The following TOGARAM2 variants were observed in gnomAD, a reference collection of about 807,000 sequenced individuals.
The protein encoded by TOGARAM2 is TOG array regulator of axonemal microtubules 2, also known as TOG array regulator of axonemal microtubules protein 2.
Under a neutral mutation model 93.3 loss-of-function variants are expected in TOGARAM2, and 85 were observed. The observed-to-expected ratio is 0.91, with a 90% CI of 0.76 to 1.09. The LOEUF (loss-of-function observed/expected upper bound fraction) is 1.09. Among genes scored for constraint, TOGARAM2 ranks in the 50% least tolerant of loss-of-function variants. The pLI is 0.00. For synonymous variants in TOGARAM2, 593 were observed against 552.8 expected, an observed-to-expected ratio of 1.07 and a Z score of -1.02; for missense variants, 1,277 against 1,334.5, an observed-to-expected ratio of 0.96 and a Z score of 0.67.
At chr2:29,033,173 C>T in intron 15 of TOGARAM2, 122 bp downstream of exon 15, 1 of 784,258 alleles carries the variant, frequency 1.3e-6, no homozygotes, top group Non-Finnish European at 2.1e-6. Context: ...TGATTTCATC[C>T]ACTACTCCTG....
intron 6 of TOGARAM2, among the ~76,000 whole-genome samples, chr2:29,003,887 C>A (rs952653982): frequency 4.6e-5 from 7 of 152,224 alleles, no homozygotes; most frequent in African/African-American, 1.7e-4. Flanking sequence ...CTCTTGGCTC[C>A]GGCAGGCTGG....
At chr2:28,986,165 G>C (rs1672456806) in intron 1 of TOGARAM2, among the ~76,000 whole-genome samples, 1 of 150,732 alleles carries the variant, frequency 6.6e-6, no homozygotes, top group African/African-American at 2.4e-5. Context: ...TAATTAGGAT[G>C]CCCTCGTGCA....
At chr2:29,002,495 C>T (rs764497333) in intron 4 of TOGARAM2, 41 bp from the exon 5 acceptor site, 9 of 1,575,188 alleles carry the variant, frequency 5.7e-6, no homozygotes, top group African/African-American at 2.7e-5. Context: ...ACTCCCTGTT[C>T]TTCTGGGACT....
At position 29,038,883 on chromosome 2, in the gene TOGARAM2, A is replaced by G. The variant is rs779866666; in HGVS notation, c.2635+2126A>G. Among the ~76,000 whole-genome samples the G allele has an allele frequency of 2.8e-4, 42 of 152,292 alleles. 1 individual carries two copies. The highest frequency in any genetic ancestry group is 3.4e-3 in the Middle Eastern group (1 of 294). Reference sequence around the variant, plus strand: ...TGAAAGTGTTCCTAACTTTGAAGTGACCAGCTGATTTCCACATCCATGTAG... The same window carrying G: ...TGAAAGTGTTCCTAACTTTGAAGTGGCCAGCTGATTTCCACATCCATGTAG... On this transcript the variant is annotated intron_variant, in intron 18 of 19. Coordinates refer to ENST00000379558, the MANE Select transcript of TOGARAM2 (RefSeq NM_199280.4).
At chr2:28,977,746 C>T (rs1055565296), upstream of TOGARAM2, among the ~76,000 whole-genome samples, 63 of 151,936 alleles carry the variant, frequency 4.1e-4, no homozygotes, top group African/African-American at 1.3e-3. Flanking sequence ...AGGAGAGGGG[C>T]GGGCAGTTAC....
chr2:29,024,758 C>T (rs1436434040), intron 13 of TOGARAM2, among the ~76,000 whole-genome samples: 1 of 152,130 alleles, frequency 6.6e-6, no homozygotes, highest in Non-Finnish European at 1.5e-5. Context: ...GCTGTGGGAG[C>T]GCCCCGGGAG....
At chr2:28,993,632 C>G (rs1233265212) in intron 1 of TOGARAM2, among the ~76,000 whole-genome samples, 1 of 152,222 alleles carries the variant, frequency 6.6e-6, no homozygotes, top group Non-Finnish European at 1.5e-5. Flanking sequence ...TCTCCTCAGA[C>G]AGGGAACTCA....
chr2:29,026,085 T>G (rs1214851506), intron 13 of TOGARAM2, among the ~76,000 whole-genome samples: 1 of 152,168 alleles, frequency 6.6e-6, no homozygotes, highest in Admixed American at 6.5e-5. Context: ...CCTTCAGCTC[T>G]AGTCCCATCC....
At chr2:28,975,112 T>C (rs1330764866) in intron 1 of TOGARAM2, among the ~76,000 whole-genome samples, 1 of 152,118 alleles carries the variant, frequency 6.6e-6, no homozygotes. Flanking sequence ...GATTATGTAT[T>C]TTTTAGTTTT....
At chr2:28,994,194 G>A (rs537185412) in intron 1 of TOGARAM2, among the ~76,000 whole-genome samples, 2 of 152,260 alleles carry the variant, frequency 1.3e-5, no homozygotes, top group Admixed American at 6.5e-5. Flanking sequence ...GCTGAGGGGG[G>A]TCACAGGTGT....
chr2:29,039,163 T>C (rs1475088738), intron 18 of TOGARAM2, among the ~76,000 whole-genome samples: 1 of 152,172 alleles, frequency 6.6e-6, no homozygotes, highest in Non-Finnish European at 1.5e-5. Context: ...TTCTAGTGGT[T>C]TCTTGGGGGA....
At chr2:29,027,687 G>A (rs1665492618) in intron 14 of TOGARAM2, among the ~76,000 whole-genome samples, 1 of 152,160 alleles carries the variant, frequency 6.6e-6, no homozygotes, top group African/African-American at 2.4e-5. Flanking sequence ...GAGCCCAGGA[G>A]GTAAAGGCTG....
intron 6 of TOGARAM2, among the ~76,000 whole-genome samples, chr2:29,005,743 ATG>A (rs974665976): frequency 8.7e-5 from 1 of 11,528 alleles, no homozygotes; most frequent in Non-Finnish European, 6.0e-4. Flanking sequence ...GAGCACATAT[ATG>A]TGTGTATGTG....
chr2:28,987,152 TTCTC>T (rs1390907119), intron 1 of TOGARAM2, among the ~76,000 whole-genome samples: 1 of 152,178 alleles, frequency 6.6e-6, no homozygotes, highest in Non-Finnish European at 1.5e-5. Context: ...CATACTTTCT[TTCTC>T]TATTTCCAAA....
At chr2:28,994,899 T>C (rs772619322) in intron 2 of TOGARAM2, 37 bp downstream of exon 2, 13 of 1,551,398 alleles carry the variant, frequency 8.4e-6, no homozygotes, top group East Asian at 2.4e-5. Flanking sequence ...GCTGGTGTTT[T>C]CCAGGCTAGG....
chr2:28,959,111 C>T (rs946105397), intron 1 of TOGARAM2, among the ~76,000 whole-genome samples: 2 of 152,140 alleles, frequency 1.3e-5, no homozygotes, highest in African/African-American at 2.4e-5. Flanking sequence ...CCTGGCCTGG[C>T]TGTACCCTCC....
intron 17 of TOGARAM2, 23 bp downstream of exon 17, chr2:29,035,679 C>G (rs1323149327): frequency 2.2e-6 from 3 of 1,371,666 alleles, no homozygotes; most frequent in East Asian, 2.7e-5. Flanking sequence ...TGCTTTTACT[C>G]TCCCACCTGT....
At chr2:28,971,593 G>A (rs1167512977) in intron 1 of TOGARAM2, among the ~76,000 whole-genome samples, 2 of 152,134 alleles carry the variant, frequency 1.3e-5, no homozygotes, top group Non-Finnish European at 2.9e-5. Flanking sequence ...GGGAAGCCAC[G>A]TTCTCTTGCT....
intron 16 of TOGARAM2, among the ~76,000 whole-genome samples, chr2:29,034,299 A>T (rs1665950681): frequency 6.6e-6 from 1 of 152,102 alleles, no homozygotes; most frequent in African/African-American, 2.4e-5. Context: ...CACCTAGAAC[A>T]TGTCTATTGG....
Sources: gnomAD v4.1 joint callset for allele counts (sites outside exome capture counted in the v4.1 genomes callset) on GRCh38, gnomAD v4.1.1 for gene constraint, MANE v1.5 for transcripts, NCBI Gene and HGNC (gene_info 2026-07-23, HGNC 2026-07-21) for gene names.